The following CCDC40 variants were observed in gnomAD, a reference collection of about 807,000 sequenced individuals.
CCDC40 encodes the protein coiled-coil domain 40 molecular ruler complex subunit, also known as coiled-coil domain-containing protein 40.
In CCDC40, 104 loss-of-function variants were observed where a neutral mutation model predicts 124.5. The ratio of observed to expected loss-of-function variants is 0.84; its 90% CI spans 0.71 to 0.98. The LOEUF is 0.98. Ranked by LOEUF, CCDC40 falls within the 50% of genes least tolerant of loss-of-function variation. The pLI is 0.00. For missense variants in CCDC40, 1,463 were observed against 1,503.9 expected (o/e 0.97, Z 0.45); for synonymous variants, 580 against 602.9 (o/e 0.96, Z 0.56).
chr17:80,056,764 G>A (rs2037758517), intron 7 of CCDC40, among the ~76,000 whole-genome samples: 1 of 152,066 alleles, frequency 6.6e-6, no homozygotes, highest in Non-Finnish European at 1.5e-5. Flanking sequence ...CCTTAGCCAG[G>A]CCTGGTGGCT....
intron 16 of CCDC40, chr17:80,088,331 A>G: frequency 1.8e-6 from 1 of 566,122 alleles, no homozygotes; most frequent in Non-Finnish European, 3.2e-6. Flanking sequence ...AGCTCACTGC[A>G]ACCTCTGCCT....
Position 80,050,293 on chromosome 17 carries a change from C to G in CCDC40, c.1159+10C>G, listed in dbSNP as rs771376800. ...GAGGAGCGCAAAAAGTGTAAGGCAA[C>G]CCGGCAGCCCCACACGCCATCCGGT... On this transcript the variant is annotated intron_variant, in intron 7 of 19. Coordinates refer to ENST00000397545, the MANE Select transcript of CCDC40 (RefSeq NM_017950.4). 25 of 1,549,620 alleles carry G rather than the reference C, an allele frequency of 1.6e-5. No individual in the cohort carries two copies. The highest frequency in any genetic ancestry group is 2.7e-5 in the African/African-American group (2 of 73,024).
chr17:80,058,457 C>T lies in CCDC40; in HGVS notation c.1160-37C>T. ...GGGACGCTGGGACAGCCTCCCCACTCACTCTCTCTCTCTTTCTCCCCCGCC... is the reference window on the plus strand; with the variant it reads ...GGGACGCTGGGACAGCCTCCCCACTTACTCTCTCTCTCTTTCTCCCCCGCC... On this transcript the variant is annotated intron_variant, in intron 7 of 19. Transcript: ENST00000397545. The surrounding 1 kb of genome is among the most constrained non-coding windows in gnomAD (Gnocchi z 4.2). 1 of 1,605,884 alleles carries T rather than the reference C, an allele frequency of 6.2e-7. No homozygotes were observed. Among genetic ancestry groups the T allele is most frequent in the South Asian group, 1.1e-5 (1 of 90,828 alleles).
chr17:80,069,107 ATAAGT>A (rs1278126528), intron 10 of CCDC40, among the ~76,000 whole-genome samples: 1 of 151,846 alleles, frequency 6.6e-6, no homozygotes, highest in African/African-American at 2.4e-5. Flanking sequence ...ATTTTTTCAG[ATAAGT>A]TAATACCTTT....
intron 10 of CCDC40, among the ~76,000 whole-genome samples, chr17:80,079,160 T>C (rs2038386783): frequency 6.6e-6 from 1 of 152,100 alleles, no homozygotes; most frequent in Admixed American, 6.6e-5. Context: ...TTCCTTTCTC[T>C]ATTGATAGTG....
Position 80,087,793 on chromosome 17 carries a change from G to A in CCDC40, c.2619+17G>A, listed in dbSNP as rs983342792. On this transcript the variant is annotated intron_variant, in intron 15 of 19. Transcript: ENST00000397545. The surrounding 1 kb of genome is among the most constrained non-coding windows in gnomAD (Gnocchi z 4.5). Reference sequence around the variant, plus strand: ...TCGCTGAAGGTCCGGCCGTGTCCACGCAGTCCCGGGGCTCAGGACGATGGA... The same window carrying A: ...TCGCTGAAGGTCCGGCCGTGTCCACACAGTCCCGGGGCTCAGGACGATGGA... 4.3e-6 allele frequency: 7 copies of A among 1,612,528 alleles called. No individual in the cohort carries two copies. The Admixed American group carries it at 5.0e-5, about 12-fold the overall frequency.
At chr17:80,072,304 C>T (rs570502508) in intron 10 of CCDC40, among the ~76,000 whole-genome samples, 2 of 152,052 alleles carry the variant, frequency 1.3e-5, no homozygotes, top group Non-Finnish European at 1.5e-5. Flanking sequence ...TAAGTGATTG[C>T]GTTACAGGAC....
chr17:80,055,960 C>T (rs1219202718), intron 7 of CCDC40, among the ~76,000 whole-genome samples: 1 of 129,104 alleles, frequency 7.7e-6, no homozygotes, highest in African/African-American at 2.9e-5. Flanking sequence ...TACACACACA[C>T]CACCAGGCCT....
chr17:80,080,774 A>G (rs2038428821), intron 10 of CCDC40, among the ~76,000 whole-genome samples: 1 of 152,220 alleles, frequency 6.6e-6, no homozygotes, highest in Non-Finnish European at 1.5e-5. Flanking sequence ...CTCTTGATCT[A>G]TTTGAAAATA....
chr17:80,099,756 A>C lies in CCDC40; in HGVS notation c.3410A>C (p.Glu1137Ala). Residue 1137 changes from glutamate to alanine, a missense_variant, in exon 20 of 20, where the codon GAG becomes GCG. By Grantham distance (107) the Glu-to-Ala change is moderately radical (BLOSUM62 -1). Transcript: ENST00000397545. The part of the protein sequence containing the change: ...KVSQMIANKL[E>A]SPGPS ...AGCCAGATGATCGCCAACAAGCTCG[A>C]GTCACCAGGGCCCTCCTAGGGAGCA... 1 of 1,613,388 alleles carries C rather than the reference A, an allele frequency of 6.2e-7. No individual in the cohort carries two copies. The highest frequency in any genetic ancestry group is 2.2e-5 in the East Asian group (1 of 44,858).
At chr17:80,078,040 A>G (rs568816350) in intron 10 of CCDC40, among the ~76,000 whole-genome samples, 26 of 152,256 alleles carry the variant, frequency 1.7e-4, no homozygotes, top group African/African-American at 5.8e-4. Context: ...AGAAATCTCT[A>G]AGGGTCAGGC....
chr17:80,072,065 C>G (rs1273262418), intron 10 of CCDC40, among the ~76,000 whole-genome samples: 2 of 152,014 alleles, frequency 1.3e-5, no homozygotes, highest in African/African-American at 4.8e-5. Context: ...TCTTGAACTC[C>G]TGGCCTCAGG....
chr17:80,062,476 C>T (rs913016565), intron 9 of CCDC40, among the ~76,000 whole-genome samples: 2 of 145,126 alleles, frequency 1.4e-5, no homozygotes, highest in African/African-American at 5.2e-5. Context: ...CACAACAGGC[C>T]CCGTTGTGTG....
chr17:80,090,882 G>A, intron 17 of CCDC40: 1 of 919,422 alleles, frequency 1.1e-6, no homozygotes, highest in South Asian at 3.1e-5. Context: ...AAGATGTTGT[G>A]TTTAAAAATA....
Position 80,044,706 on chromosome 17 carries a change from CAAAA to C in CCDC40, c.553-2565_553-2562del, listed in dbSNP as rs72238955. Among the ~76,000 whole-genome samples, 15 of 74,082 alleles carry C rather than the reference CAAAA, an allele frequency of 2.0e-4. 1 individual carries two copies. Among genetic ancestry groups the C allele is most frequent in the African/African-American group, 8.7e-4 (15 of 17,322 alleles). 48.6% of individuals were successfully genotyped at this position (74,082 alleles called of 152,430 possible). A position where few individuals can be genotyped will look rare whatever the true frequency, so the allele number is the denominator to read the frequency against. On this transcript the variant is annotated intron_variant, in intron 3 of 19. Coordinates refer to ENST00000397545, the MANE Select transcript of CCDC40 (RefSeq NM_017950.4). ...TCAAAAACAAAACAAAACAAACAAA[CAAAA>C]AAAAAAATATATATATATATATATA...
rs2038607319 is a variant in CCDC40, at chr17:80,087,341, C to T, written c.2450-266C>T. 6 of 524,306 alleles carry T rather than the reference C, an allele frequency of 1.1e-5. No individual in the cohort carries two copies. Among genetic ancestry groups the T allele is most frequent in the East Asian group, 6.9e-5 (2 of 28,920 alleles). 32.5% of individuals were successfully genotyped at this position (524,306 alleles called of 1,614,324 possible). ...CACACGCCCTGCCCACACCTGCTGG[C>T]TGTCCCCACAGGCAGGTCCTCTCAG... On this transcript the variant is annotated intron_variant, in intron 14 of 19. Transcript: ENST00000397545. The surrounding 1 kb of genome is among the most constrained non-coding windows in gnomAD (Gnocchi z 4.5).
intron 17 of CCDC40, chr17:80,092,203 T>G (rs2143769658): frequency 6.6e-6 from 1 of 152,184 alleles, no homozygotes; most frequent in Middle Eastern, 3.4e-3. Context: ...CTGGCTAATT[T>G]TTTTGTATTT....
chr17:80,037,698 T>A lies in CCDC40; in HGVS notation c.30-425T>A, dbSNP rs1046849757. Among the ~76,000 whole-genome samples, 431 of 77,888 alleles carry A rather than the reference T, an allele frequency of 5.5e-3. 8 individuals carry two copies. The highest frequency in any genetic ancestry group is 7.4e-3 in the Admixed American group (57 of 7,672). The allele number at this position is 77,888 out of a possible 152,430, so 51.1% of individuals were successfully genotyped here. A position where few individuals can be genotyped will look rare whatever the true frequency, so the allele number is the denominator to read the frequency against. The stretch of plus-strand genomic sequence containing the variant: ...TTTAATTTTTTAAAAAAGATATACA[T>A]ATATATATATATATATATATATTCC... On this transcript the variant is annotated intron_variant, in intron 1 of 19. Transcript: ENST00000397545.
In CCDC40 at chr17:80,099,585, A is replaced by G. The variant is rs748145780; in HGVS notation, c.3239A>G (p.Glu1080Gly). The change falls in exon 20 of 20, where the codon GAG (glutamate) becomes GGG (glycine). Residue 1080 changes from glutamate to glycine, a missense_variant. Glu to Gly is a moderately conservative substitution (Grantham distance 98, BLOSUM62 -2). Transcript: ENST00000397545. ...TRLKHLQAVK[E>G]GRYVFLFRSK... is the part of the protein sequence containing the mutation. ...CTTAAGCACCTGCAGGCTGTGAAGGAGGGGCGCTACGTGTTCCTGTTCCGC... is the reference window on the plus strand; with the variant it reads ...CTTAAGCACCTGCAGGCTGTGAAGGGGGGGCGCTACGTGTTCCTGTTCCGC... 6.2e-7 allele frequency: 1 copy of G among 1,613,424 alleles called. No homozygotes were observed. Among genetic ancestry groups the G allele is most frequent in the South Asian group, 1.1e-5 (1 of 91,068 alleles).
Sources: gnomAD v4.1 joint callset for allele counts (sites outside exome capture counted in the v4.1 genomes callset) on GRCh38, gnomAD v4.1.1 for gene constraint, Gnocchi (gnomAD v3.1) non-coding constraint, MANE v1.5 for transcripts, NCBI Gene and HGNC (gene_info 2026-07-23, HGNC 2026-07-21) for gene names.